Variants in BTBD8 observed in about 807,000 individuals in gnomAD.
The protein encoded by BTBD8 is BTB/POZ domain-containing protein 8.
Under a neutral mutation model 162.9 loss-of-function variants are expected in BTBD8, and 110 were observed. The observed-to-expected ratio is 0.68, with a 90% CI of 0.58 to 0.79. The LOEUF (loss-of-function observed/expected upper bound fraction) is 0.79, where lower values mean the gene tolerates loss of function less well. Among genes scored for constraint, BTBD8 ranks in the 30% least tolerant of loss-of-function variants. The pLI is 0.00. For missense variants in BTBD8, 1,905 were observed against 2,085.4 expected, an observed-to-expected ratio of 0.91 and a Z score of 1.68; for synonymous variants, 667 against 716.1, an observed-to-expected ratio of 0.93 and a Z score of 1.10.
chr1:92,142,202 G>A (rs953928353), intron 7 of BTBD8, among the ~76,000 whole-genome samples: 4 of 152,166 alleles, frequency 2.6e-5, no homozygotes, highest in Non-Finnish European at 5.9e-5. Context: ...AGGGCAGCTG[G>A]TGGTGTCCTC....
chr1:92,108,150 C>T, intron 4 of BTBD8, 149 bp downstream of exon 4: 1 of 765,634 alleles, frequency 1.3e-6, no homozygotes, highest in South Asian at 1.5e-5. Context: ...CACTGTGATT[C>T]CTCAGGGGGA....
At chr1:92,106,804 C>T (rs923165537) in intron 3 of BTBD8, among the ~76,000 whole-genome samples, 5 of 150,650 alleles carry the variant, frequency 3.3e-5, no homozygotes, top group African/African-American at 1.2e-4. Context: ...ATAGTCTGTT[C>T]AGGGAATGAT....
intron 7 of BTBD8, 122 bp downstream of exon 7, chr1:92,141,333 A>G (rs1248992742): frequency 2.9e-6 from 3 of 1,018,174 alleles, no homozygotes; most frequent in Non-Finnish European, 2.7e-6. Flanking sequence ...AATTTAACTA[A>G]TGAGAACTCC....
intron 4 of BTBD8, among the ~76,000 whole-genome samples, chr1:92,109,523 A>G (rs1377787617): frequency 6.6e-6 from 1 of 152,204 alleles, no homozygotes; most frequent in Admixed American, 6.5e-5. Flanking sequence ...GTATTCTAGG[A>G]CAGCTCTTGC....
chr1:92,096,838 A>G (rs932587553), intron 2 of BTBD8, among the ~76,000 whole-genome samples: 45 of 152,254 alleles, frequency 3.0e-4, no homozygotes, highest in African/African-American at 1.1e-3. Context: ...GCGTGTGGCC[A>G]ATCACCTATA....
chr1:92,174,971 T>C (rs1650665626), intron 13 of BTBD8, among the ~76,000 whole-genome samples: 1 of 152,232 alleles, frequency 6.6e-6, no homozygotes, highest in Non-Finnish European at 1.5e-5. Context: ...TTTTCATATT[T>C]AAAAATAGAC....
In BTBD8 at chr1:92,080,698, C is replaced by T. The variant is rs1288844044; in HGVS notation, c.127C>T (p.Gln43Ter). The T allele has an allele frequency of 1.2e-6, 2 of 1,611,890 alleles. No individual in the cohort carries two copies. The highest frequency in any genetic ancestry group is 1.1e-5 in the South Asian group (1 of 90,584). The change falls in exon 1 of 18, where the codon CAG (glutamine) becomes TAG (stop). Residue 43 changes from glutamine to a stop codon, truncating the protein, a stop_gained. Transcript: ENST00000636805. LOFTEE classifies it high-confidence loss of function. The stretch of plus-strand genomic sequence containing the variant: ...CCGGCTGAAGGCGACGGTGTCGGAG[C>T]AGCTCAGCCAGGATTTGCTCAGGTA... Reference protein sequence around the residue: ...RRRLKATVSEQLSQDLLRLLR... With the variant: ...RRRLKATVSE
rs1647964311 is a variant in BTBD8, at chr1:92,080,407, C to T, written c.-165C>T. 3.9e-6 allele frequency: 4 copies of T among 1,034,894 alleles called. No individual in the cohort carries two copies. The South Asian group carries it at 5.3e-5, about 14-fold the overall frequency. 64.1% of individuals were successfully genotyped at this position (1,034,894 alleles called of 1,614,324 possible). A position where few individuals can be genotyped will look rare whatever the true frequency, so the allele number is the denominator to read the frequency against. Reference sequence around the variant, plus strand: ...GAGGCTCCCCACCGCGGTCCGGCTTCTCTGGGAGACTGTCTACAAACCGAC... The same window carrying T: ...GAGGCTCCCCACCGCGGTCCGGCTTTTCTGGGAGACTGTCTACAAACCGAC... On this transcript the variant is annotated 5_prime_UTR_variant, in exon 1 of 18. Transcript: ENST00000636805.
rs919702115 is a variant in BTBD8 at position 92,126,355 on chromosome 1, C to T, written c.663-3332C>T. ...GCTGCCACAGTGGTTGTACATGGCC[C>T]CTTGAAGTACATTAAGCTGGACCAG... is the stretch of plus-strand genomic sequence containing the variant. On this transcript the variant is annotated intron_variant, in intron 4 of 17. Transcript: ENST00000636805. 9 of 623,944 alleles carry T rather than the reference C, an allele frequency of 1.4e-5. 1 individual carries two copies. The Admixed American group carries it at 1.5e-4, about 10-fold the overall frequency. The allele number at this position is 623,944 out of a possible 1,614,324, so 38.7% of individuals were successfully genotyped here.
chr1:92,151,393 C>T (rs1650039727), intron 9 of BTBD8, among the ~76,000 whole-genome samples: 1 of 150,768 alleles, frequency 6.6e-6, no homozygotes, highest in Admixed American at 6.6e-5. Flanking sequence ...TGTGTTTTAG[C>T]TAATGAAGGA....
Position 92,176,842 on chromosome 1 carries a change from T to G in BTBD8, c.1649T>G (p.Val550Gly). The G allele has an allele frequency of 7.0e-7, 1 of 1,423,108 alleles. No individual in the cohort carries two copies. The highest frequency in any genetic ancestry group is 9.3e-7 in the Non-Finnish European group (1 of 1,080,870). The allele number at this position is 1,423,108 out of a possible 1,614,324, so 88.2% of individuals were successfully genotyped here. The part of the protein sequence containing the change: ...IFSSSQQRKQ[V>G]SDSGDIKIKS... The stretch of plus-strand genomic sequence containing the variant: ...TCTTTTTTATAGCAAAGGAAACAAG[T>G]TTCTGACTCTGGTGATATAAAAATC... The change falls in exon 14 of 18, where the codon GTT (valine) becomes GGT (glycine). Residue 550 changes from valine to glycine, a missense_variant. By Grantham distance (109) the Val-to-Gly change is moderately radical. Coordinates refer to ENST00000636805, the MANE Select transcript of BTBD8 (RefSeq NM_001376131.1).
intron 4 of BTBD8, among the ~76,000 whole-genome samples, chr1:92,117,162 G>A (rs1487853755): frequency 6.6e-6 from 1 of 151,800 alleles, no homozygotes; most frequent in Non-Finnish European, 1.5e-5. Flanking sequence ...AAAATGCTTT[G>A]TCTGTTAATT....
intron 9 of BTBD8, among the ~76,000 whole-genome samples, chr1:92,164,289 C>A (rs1383969393): frequency 6.6e-6 from 1 of 152,024 alleles, no homozygotes; most frequent in Non-Finnish European, 1.5e-5. Flanking sequence ...GAGTTCAAGA[C>A]CAGCCTGGAT....
chr1:92,173,804 A>G (rs1342848805), intron 13 of BTBD8, among the ~76,000 whole-genome samples: 1 of 152,220 alleles, frequency 6.6e-6, no homozygotes, highest in Non-Finnish European at 1.5e-5. Context: ...AGGTGAAATA[A>G]TTTATGTGCA....
At chr1:92,147,985 C>G in intron 9 of BTBD8, 199 bp downstream of exon 9, 1 of 566,590 alleles carries the variant, frequency 1.8e-6, no homozygotes, top group Middle Eastern at 4.7e-4. Flanking sequence ...AGGGTTGAAA[C>G]AGAGAAGCAG....
chr1:92,184,162 A>C lies in BTBD8; in HGVS notation c.5211A>C (p.Arg1737=). The C allele has an allele frequency of 6.4e-7, 1 of 1,551,648 alleles. No homozygotes were observed. The highest frequency in any genetic ancestry group is 8.7e-7 in the Non-Finnish European group (1 of 1,146,878). Residue 1737 remains arginine (R), a synonymous_variant, in exon 18 of 18, where the codon CGA becomes CGC. Transcript: ENST00000636805. ...TCAATCAGACACTACTTTTAGCACG[A>C]GATAGCTCAAAACCTCAGGGTATAA... The part of the protein sequence containing the change: ...YLINQTLLLA[R]DSSKPQGITH...
chr1:92,148,237 C>A, intron 9 of BTBD8, among the ~76,000 whole-genome samples: 1 of 152,312 alleles, frequency 6.6e-6, no homozygotes, highest in Admixed American at 6.5e-5. Context: ...AAAACATTTG[C>A]TCTGGATAGT....
chr1:92,154,443 CTTG>C (rs528455125), intron 9 of BTBD8, among the ~76,000 whole-genome samples: 4 of 152,142 alleles, frequency 2.6e-5, no homozygotes, highest in Non-Finnish European at 5.9e-5. Flanking sequence ...CTCACCAAAA[CTTG>C]TTATCTTTTA....
chr1:92,091,451 G>A (rs1373185079), intron 2 of BTBD8, among the ~76,000 whole-genome samples: 2 of 143,890 alleles, frequency 1.4e-5, no homozygotes, highest in Non-Finnish European at 1.5e-5. Flanking sequence ...TAATACACTC[G>A]TGTGTGTGTG....
Sources: allele counts gnomAD v4.1 joint callset (sites outside exome capture counted in the v4.1 genomes callset), GRCh38; gene constraint gnomAD v4.1.1; transcripts MANE v1.5; gene names NCBI Gene and HGNC (gene_info 2026-07-23, HGNC 2026-07-21).